GOPC: variants seen among roughly 807,000 people sequenced by gnomAD.
GOPC encodes golgi associated PDZ and coiled-coil motif containing.
GOPC carries 32 observed loss-of-function variants against 51.2 expected under a neutral mutation model. The observed-to-expected ratio is 0.63, with a 90% CI of 0.47 to 0.84. GOPC has a LOEUF of 0.84. GOPC is among the 40% of genes least tolerant of loss of function. The probability of loss-of-function intolerance (pLI) is 0.00; values close to 1 mark genes in which losing one functional copy is unlikely to be tolerated. For synonymous variants in GOPC, 190 were observed against 205.1 expected (o/e 0.93, Z 0.63); for missense variants, 441 against 555.5 (o/e 0.79, Z 2.07).
chr6:117,600,582 T>C (rs1221687158), intron 1 of GOPC, among the ~76,000 whole-genome samples: 3 of 152,272 alleles, frequency 2.0e-5, no homozygotes, highest in East Asian at 3.9e-4. Flanking sequence ...GGCAGGAGGA[T>C]CACCTGAGGC....
chr6:117,568,394 T>C (rs2114605589), intron 7 of GOPC, among the ~76,000 whole-genome samples: 1 of 152,326 alleles, frequency 6.6e-6, no homozygotes, highest in East Asian at 1.9e-4. Context: ...TCTTTGGTGC[T>C]CTTCTTTCCC....
intron 1 of GOPC, among the ~76,000 whole-genome samples, chr6:117,581,605 G>T (rs765396402): frequency 6.6e-6 from 1 of 152,040 alleles, no homozygotes; most frequent in Non-Finnish European, 1.5e-5. Flanking sequence ...GCCTATTTTT[G>T]AATGTTTGAG....
intron 1 of GOPC, among the ~76,000 whole-genome samples, chr6:117,594,933 C>T (rs1266220380): frequency 6.6e-6 from 1 of 152,160 alleles, no homozygotes; most frequent in African/African-American, 2.4e-5. Context: ...TTCCAACACA[C>T]CTACTACTGC....
At chr6:117,563,778 A>G (rs1169866651) in intron 8 of GOPC, among the ~76,000 whole-genome samples, 2 of 152,088 alleles carry the variant, frequency 1.3e-5, no homozygotes, top group African/African-American at 2.4e-5. Context: ...TTGAGTGAAA[A>G]ACAAAGGAAT....
At chr6:117,578,855 C>T (rs771454537) in intron 2 of GOPC, 45 bp downstream of exon 2, 2 of 1,380,818 alleles carry the variant, frequency 1.4e-6, no homozygotes, top group East Asian at 2.5e-5. Flanking sequence ...TCCTGTACAC[C>T]CTGTAAAATA....
chr6:117,579,079 A>C lies in GOPC; in HGVS notation c.286-15T>G. 3 of 1,571,896 alleles carry C rather than the reference A, an allele frequency of 1.9e-6. No individual in the cohort carries two copies. Among genetic ancestry groups the C allele is most frequent in the Non-Finnish European group, 2.6e-6 (3 of 1,162,418 alleles). On this transcript the variant is annotated splice_polypyrimidine_tract_variant and intron_variant, in intron 1 of 8. Transcript: ENST00000368498. ...ACCAACTGTGCCTTATAAAGAAAAC[A>C]ATAGAAGAAATTAAGGATGCTTAAT...
rs372043870 is a variant in GOPC, at chr6:117,575,161, C to T, written c.650+16G>A. 1.1e-5 allele frequency: 18 copies of T among 1,574,040 alleles called. No homozygotes were observed. The African/African-American group carries it at 2.2e-4, about 19-fold the overall frequency. On this transcript the variant is annotated intron_variant, in intron 4 of 8. Transcript: ENST00000368498. The stretch of plus-strand genomic sequence containing the variant: ...TTTGTCACTTAAGAGTACAATAATA[C>T]CCATTTTTTACACACCTTCCTGCCA...
intron 1 of GOPC, among the ~76,000 whole-genome samples, chr6:117,598,643 A>G (rs1562149988): frequency 1.3e-5 from 2 of 152,170 alleles, no homozygotes; most frequent in Admixed American, 6.5e-5. Flanking sequence ...TTGTGCTACT[A>G]TGAGAATCTA....
chr6:117,598,196 T>TAAAAAAA (rs532086597), intron 1 of GOPC, among the ~76,000 whole-genome samples: 1 of 126,610 alleles, frequency 7.9e-6, no homozygotes, highest in African/African-American at 3.0e-5. Context: ...CCATCTCTAC[T>TAAAAAAA]AAAAAAAAAA....
intron 1 of GOPC, among the ~76,000 whole-genome samples, chr6:117,590,171 A>G (rs1170550322): frequency 6.6e-6 from 1 of 152,242 alleles, no homozygotes; most frequent in Non-Finnish European, 1.5e-5. Context: ...GTTTCAAAAA[A>G]TTCATTCATT....
chr6:117,563,408 G>A lies in GOPC; in HGVS notation c.1259-24C>T, dbSNP rs571859298. On this transcript the variant is annotated intron_variant, in intron 8 of 8. Transcript: ENST00000368498. Reference sequence around the variant, plus strand: ...TCCTGAAAGAAAGGAGAAAAAAAAAGCAGACACTTTCTGGTTTAAAAAGTT... The same window carrying A: ...TCCTGAAAGAAAGGAGAAAAAAAAAACAGACACTTTCTGGTTTAAAAAGTT... 91 of 1,609,738 alleles carry A rather than the reference G, an allele frequency of 5.7e-5. 2 individuals carry two copies. The South Asian group carries it at 9.8e-4, about 17-fold the overall frequency.
intron 1 of GOPC, 80 bp from the exon 2 acceptor site, chr6:117,579,144 A>AATTATT: frequency 9.0e-7 from 1 of 1,109,430 alleles, no homozygotes; most frequent in Non-Finnish European, 1.3e-6. Flanking sequence ...CAAGAATGAC[A>AATTATT]ACAGAGAGAC....
At position 117,573,656 on chromosome 6, in the gene GOPC, T is replaced by C. The variant is rs759720707; in HGVS notation, c.651-24A>G. On this transcript the variant is annotated intron_variant, in intron 4 of 8. Transcript: ENST00000368498. ...CCCTTCATATTGGGAAAAGAGTACA[T>C]TGATTTTTCATTATATTCACTACAG... 7 of 1,583,558 alleles carry C rather than the reference T, an allele frequency of 4.4e-6. No homozygotes were observed. The East Asian group carries it at 1.4e-4, about 31-fold the overall frequency.
In GOPC at chr6:117,591,005, A is replaced by G. The variant is rs576548322; in HGVS notation, c.285+10999T>C. On this transcript the variant is annotated intron_variant, in intron 1 of 8. Transcript: ENST00000368498. ...GTAGCTGGGATTACAGGCATGCGCC[A>G]CCACACCCAGCTAATTTTGTATATT... Among the ~76,000 whole-genome samples the G allele has an allele frequency of 3.0e-4, 45 of 152,248 alleles. 2 individuals carry two copies. The South Asian group carries it at 7.3e-3, about 25-fold the overall frequency.
rs1242088220 is a variant in GOPC, at chr6:117,563,399, A to G, written c.1259-15T>C. On this transcript the variant is annotated splice_polypyrimidine_tract_variant and intron_variant, in intron 8 of 8. Transcript: ENST00000368498. ...CTTATTAAATCCTGAAAGAAAGGAG[A>G]AAAAAAAAGCAGACACTTTCTGGTT... 5.3e-5 allele frequency: 85 copies of G among 1,599,582 alleles called. No individual in the cohort carries two copies. The highest frequency in any genetic ancestry group is 7.1e-5 in the Non-Finnish European group (83 of 1,171,564).
At position 117,573,617 on chromosome 6, in the gene GOPC, T is replaced by C. The variant is rs1562140631; in HGVS notation, c.666A>G (p.Gln222=). 2 of 1,613,580 alleles carry C rather than the reference T, an allele frequency of 1.2e-6. No individual in the cohort carries two copies. Among genetic ancestry groups the C allele is most frequent in the Admixed American group, 1.7e-5 (1 of 59,964 alleles). The change falls in exon 5 of 9, where the codon CAA becomes CAG. Residue 222 remains glutamine (Q), a synonymous_variant. Transcript: ENST00000368498. The part of the protein sequence containing the change: ...KELAGRVQQI[Q]LLGRDMKGPA... ...GTCCCTTCATATCTCGTCCTAGCAA[T>C]TGTATCTGTTGGACCCTTCATATTG...
intron 1 of GOPC, among the ~76,000 whole-genome samples, chr6:117,582,165 G>A (rs1348081476): frequency 6.6e-6 from 1 of 151,156 alleles, no homozygotes; most frequent in African/African-American, 2.4e-5. Flanking sequence ...AAGTACCTGT[G>A]TTAGTCTCTT....
At position 117,566,334 on chromosome 6, in the gene GOPC, T is replaced by C. The variant is rs148410893; in HGVS notation, c.1258+520A>G. Among the ~76,000 whole-genome samples, 273 of 152,302 alleles carry C rather than the reference T, an allele frequency of 1.8e-3. 1 individual carries two copies. Among genetic ancestry groups the C allele is most frequent in the African/African-American group, 6.3e-3 (264 of 41,576 alleles). ...CAGATCACAATTTGAGGACCACTGCTCTATGTAAAAGGAAGTGCTAGAGTT... is the reference window on the plus strand; with the variant it reads ...CAGATCACAATTTGAGGACCACTGCCCTATGTAAAAGGAAGTGCTAGAGTT... On this transcript the variant is annotated intron_variant, in intron 8 of 8. Transcript: ENST00000368498.
At chr6:117,593,731 C>G (rs763822260) in intron 1 of GOPC, among the ~76,000 whole-genome samples, 36 of 152,190 alleles carry the variant, frequency 2.4e-4, no homozygotes, top group Non-Finnish European at 4.9e-4. Flanking sequence ...GGTAACTGAT[C>G]AATAAAGTTG....
Sources: gnomAD v4.1 joint callset for allele counts (sites outside exome capture counted in the v4.1 genomes callset) on GRCh38, gnomAD v4.1.1 for gene constraint, MANE v1.5 for transcripts, NCBI Gene and HGNC (gene_info 2026-07-23, HGNC 2026-07-21) for gene names.